Variants in COPG2 observed in about 807,000 individuals in gnomAD.
COPG2 encodes coat protein complex I subunit gamma 2.
A neutral mutation model predicts 46.3 loss-of-function variants in COPG2; 37 were observed. The observed-to-expected ratio is 0.80, with a 90% CI of 0.61 to 1.05. COPG2 has a LOEUF of 1.05. Among genes scored for constraint, COPG2 ranks in the 50% least tolerant of loss-of-function variants. The pLI, the probability that COPG2 is intolerant of heterozygous loss-of-function variation, is 0.00. For missense variants in COPG2, 427 were observed against 387.8 expected, an observed-to-expected ratio of 1.10 and a Z score of -0.85; for synonymous variants, 159 against 129.7, an observed-to-expected ratio of 1.23 and a Z score of -1.53.
At chr7:130,561,371 A>C (rs1312131818) in intron 11 of COPG2, 150 bp from the exon 12 acceptor site, 1 of 395,988 alleles carries the variant, frequency 2.5e-6, no homozygotes, top group Non-Finnish European at 4.4e-6. Flanking sequence ...CCAGTTAACA[A>C]GGTATATCTT....
chr7:130,657,406 G>A (rs193240073), intron 4 of COPG2, among the ~76,000 whole-genome samples: 3 of 152,186 alleles, frequency 2.0e-5, no homozygotes, highest in Admixed American at 6.5e-5. Flanking sequence ...GGATCATAAG[G>A]TAATTGATAT....
intron 5 of COPG2, among the ~76,000 whole-genome samples, chr7:130,623,729 C>A (rs192644458): frequency 6.6e-6 from 1 of 152,058 alleles, no homozygotes; most frequent in Admixed American, 6.6e-5. Flanking sequence ...GTGCATGCTA[C>A]GGCCCCAGCT....
intron 20 of COPG2, among the ~76,000 whole-genome samples, chr7:130,542,668 A>G (rs1793356071): frequency 6.6e-6 from 1 of 152,098 alleles, no homozygotes; most frequent in African/African-American, 2.4e-5. Flanking sequence ...AGACTGTGCA[A>G]ATTTACACTG....
chr7:130,633,561 T>A (rs1420741093), intron 5 of COPG2, among the ~76,000 whole-genome samples: 1 of 152,200 alleles, frequency 6.6e-6, no homozygotes, highest in Non-Finnish European at 1.5e-5. Context: ...TTCACCCACT[T>A]TTTGATGGGG....
chr7:130,668,598 G>T lies in COPG2; in HGVS notation c.37+34C>A, dbSNP rs781787846. 3 of 1,504,546 alleles carry T rather than the reference G, an allele frequency of 2.0e-6. No individual in the cohort carries two copies. The South Asian group carries it at 3.8e-5, about 19-fold the overall frequency. 93.2% of individuals were successfully genotyped at this position (1,504,546 alleles called of 1,614,324 possible). On this transcript the variant is annotated intron_variant, in intron 1 of 23. Transcript: ENST00000425248. ...GCGGGCGGGGGAAGGGGCGTCCCGC[G>T]GCTGAGGGTGGGCCTCGGAAGCCCC...
At chr7:130,507,497 T>C (rs906752372) in intron 22 of COPG2, 125 bp from the exon 23 acceptor site, 23 of 705,956 alleles carry the variant, frequency 3.3e-5, no homozygotes, top group African/African-American at 2.5e-4. Flanking sequence ...TGGTGATGTG[T>C]AGAGGGAGGC....
intron 1 of COPG2, among the ~76,000 whole-genome samples, chr7:130,668,002 G>A (rs1796123172): frequency 6.6e-6 from 1 of 152,178 alleles, no homozygotes; most frequent in Non-Finnish European, 1.5e-5. Flanking sequence ...TGTGGGAGAT[G>A]CTACCAAACA....
chr7:130,626,470 C>T (rs1460302443), intron 5 of COPG2, among the ~76,000 whole-genome samples: 1 of 148,010 alleles, frequency 6.8e-6, no homozygotes, highest in Non-Finnish European at 1.5e-5. Context: ...AGGCTGGTCT[C>T]GAACACCTGA....
intron 20 of COPG2, chr7:130,511,000 C>G: frequency 1.9e-6 from 1 of 519,326 alleles, no homozygotes; most frequent in South Asian, 1.4e-5. Flanking sequence ...TTAAGCTTGT[C>G]TTGTGAGGAT....
chr7:130,647,553 T>G (rs1358417068), intron 5 of COPG2, among the ~76,000 whole-genome samples: 3 of 152,112 alleles, frequency 2.0e-5, no homozygotes, highest in Non-Finnish European at 4.4e-5. Context: ...TATAATTAAC[T>G]TTATAAGAAA....
intron 9 of COPG2, chr7:130,605,857 C>A: frequency 4.2e-6 from 2 of 477,088 alleles, no homozygotes; most frequent in South Asian, 3.1e-5. Flanking sequence ...TTGTTGTAAG[C>A]CATTACATTT....
intron 9 of COPG2, among the ~76,000 whole-genome samples, chr7:130,609,649 G>T (rs369437703): frequency 3.0e-4 from 45 of 152,070 alleles, no homozygotes; most frequent in African/African-American, 9.2e-4. Context: ...TAGACTTTTT[G>T]ATATATTCCC....
intron 20 of COPG2, among the ~76,000 whole-genome samples, chr7:130,518,099 G>C (rs1484273213): frequency 6.6e-6 from 1 of 152,148 alleles, no homozygotes; most frequent in Non-Finnish European, 1.5e-5. Flanking sequence ...TATTAATTAT[G>C]GATATGTAGT....
intron 20 of COPG2, among the ~76,000 whole-genome samples, chr7:130,513,221 G>A (rs1421164918): frequency 2.7e-5 from 4 of 146,568 alleles, no homozygotes; most frequent in Admixed American, 1.4e-4. Context: ...GGGAGGTGGA[G>A]GATGCAGTGA....
At chr7:130,602,243 T>TA (rs1794649511) in intron 9 of COPG2, among the ~76,000 whole-genome samples, 1 of 152,222 alleles carries the variant, frequency 6.6e-6, no homozygotes, top group African/African-American at 2.4e-5. Context: ...TTGAAGGCTT[T>TA]ACCTCAATCA....
At chr7:130,596,929 C>T (rs1159986077) in intron 9 of COPG2, among the ~76,000 whole-genome samples, 2 of 152,116 alleles carry the variant, frequency 1.3e-5, no homozygotes, top group African/African-American at 4.8e-5. Flanking sequence ...AGTCTAGGAC[C>T]GTAAAATGCA....
Position 130,506,647 on chromosome 7 carries a change from G to GC in COPG2, c.*28dup. ...TAAAAGCCCACTGACCATGTAGTGTGCATCAGTTTCCTCTTGTCCAGTAAG... is the reference window on the plus strand; with the variant it reads ...TAAAAGCCCACTGACCATGTAGTGTGCCATCAGTTTCCTCTTGTCCAGTAAG... On this transcript the variant is annotated 3_prime_UTR_variant, in exon 24 of 24. Coordinates refer to ENST00000425248, the MANE Select transcript of COPG2 (RefSeq NM_012133.6). 1 of 772,532 alleles carries GC rather than the reference G, an allele frequency of 1.3e-6. No individual in the cohort carries two copies. Among genetic ancestry groups the GC allele is most frequent in the Non-Finnish European group, 2.4e-6 (1 of 414,116 alleles). The allele number at this position is 772,532 out of a possible 1,614,324, so 47.9% of individuals were successfully genotyped here.
At position 130,595,439 on chromosome 7, in the gene COPG2, G is replaced by GGTT. The variant is rs552008227; in HGVS notation, c.737+15511_737+15513dup. ...CAAATGGTCTGGAATTAGTGGTGGTGGTTACATAGTTTTGTGAATATACTA... is the reference window on the plus strand; with the variant it reads ...CAAATGGTCTGGAATTAGTGGTGGTGGTTGTTACATAGTTTTGTGAATATACTA... On this transcript the variant is annotated intron_variant, in intron 9 of 23. Transcript: ENST00000425248. Among the ~76,000 whole-genome samples, 22 of 152,192 alleles carry GGTT rather than the reference G, an allele frequency of 1.4e-4. No homozygotes were observed. The East Asian group carries it at 4.3e-3, about 29-fold the overall frequency.
intron 5 of COPG2, among the ~76,000 whole-genome samples, chr7:130,644,787 C>T (rs544521912): frequency 6.6e-6 from 1 of 152,112 alleles, no homozygotes; most frequent in Non-Finnish European, 1.5e-5. Flanking sequence ...GCTGGCCGGG[C>T]GCAGTGGCTC....
Sources: allele counts gnomAD v4.1 joint callset (sites outside exome capture counted in the v4.1 genomes callset), GRCh38; gene constraint gnomAD v4.1.1; transcripts MANE v1.5; gene names NCBI Gene and HGNC (gene_info 2026-07-23, HGNC 2026-07-21).